Variants in CDS1 observed in about 807,000 individuals in gnomAD.
The protein encoded by CDS1 is phosphatidate cytidylyltransferase 1.
Under a neutral mutation model 62.1 loss-of-function variants are expected in CDS1, and 41 were observed. The observed-to-expected ratio is 0.66, with a 90% confidence interval of 0.51 to 0.86. The LOEUF (loss-of-function observed/expected upper bound fraction) is 0.86, where lower values mean the gene tolerates loss of function less well. Among genes scored for constraint, CDS1 ranks in the 40% least tolerant of loss-of-function variants. The pLI is 0.00. For synonymous variants in CDS1, 185 were observed against 192.6 expected (o/e 0.96, Z 0.32); for missense variants, 470 against 550.1 (o/e 0.85, Z 1.46).
At chr4:84,594,163 A>G (rs1328408464) in intron 1 of CDS1, among the ~76,000 whole-genome samples, 1 of 151,912 alleles carries the variant, frequency 6.6e-6, no homozygotes, top group Non-Finnish European at 1.5e-5. Flanking sequence ...TTGACATAAG[A>G]CAAGAGAAAA....
In CDS1 at chr4:84,610,387, G is replaced by A. The variant is rs575646183; in HGVS notation, c.342+862G>A. Among the ~76,000 whole-genome samples the A allele has an allele frequency of 4.2e-4, 64 of 152,272 alleles. No individual in the cohort carries two copies. In the South Asian group the frequency reaches 5.0e-3, roughly 12 times the overall value. On this transcript the variant is annotated intron_variant, in intron 3 of 12. Coordinates refer to ENST00000295887, the MANE Select transcript of CDS1 (RefSeq NM_001263.4). The stretch of plus-strand genomic sequence containing the variant: ...CACATGTAGAGGGTGTCTATATAGG[G>A]CACTGGAGAGGCAAGGAAAAACCAT...
chr4:84,613,097 T>G (rs1180325403), intron 3 of CDS1, among the ~76,000 whole-genome samples: 2 of 151,812 alleles, frequency 1.3e-5, no homozygotes, highest in African/African-American at 4.8e-5. Flanking sequence ...TATATATATA[T>G]ATATTATGTT....
At chr4:84,615,461 T>C (rs1409507873) in intron 3 of CDS1, among the ~76,000 whole-genome samples, 3 of 152,090 alleles carry the variant, frequency 2.0e-5, no homozygotes, top group Non-Finnish European at 2.9e-5. Context: ...CTCTCTCTCC[T>C]TCTTACCCCC....
chr4:84,583,466 G>T lies in CDS1; in HGVS notation c.65G>T (p.Arg22Leu). Residue 22 changes from arginine to leucine, a missense_variant, in exon 1 of 13, where the codon CGC becomes CTC. Coordinates refer to ENST00000295887, the MANE Select transcript of CDS1 (RefSeq NM_001263.4). ...AGGGAAGCGGTGTCGCCGCCACACC[G>T]CGAGGGAGAGGCGGCCGGCGGCGAC... ...GPREAVSPPH[R>L]EGEAAGGDHE... is the part of the protein sequence containing the mutation. 6.3e-7 allele frequency: 1 copy of T among 1,578,440 alleles called. No homozygotes were observed. Among genetic ancestry groups the T allele is most frequent in the Non-Finnish European group, 8.6e-7 (1 of 1,163,536 alleles).
chr4:84,609,040 G>A (rs1230525518), intron 2 of CDS1, among the ~76,000 whole-genome samples: 1 of 151,874 alleles, frequency 6.6e-6, no homozygotes, highest in Non-Finnish European at 1.5e-5. Flanking sequence ...TTAGCCGGGT[G>A]TGGTGGCGGG....
intron 3 of CDS1, among the ~76,000 whole-genome samples, chr4:84,614,586 A>C (rs1214867646): frequency 1.3e-5 from 2 of 152,188 alleles, no homozygotes; most frequent in African/African-American, 4.8e-5. Context: ...ACCCATAGGT[A>C]CTCAATATAG....
At chr4:84,594,314 G>T (rs1388301008) in intron 1 of CDS1, among the ~76,000 whole-genome samples, 3 of 152,166 alleles carry the variant, frequency 2.0e-5, no homozygotes, top group African/African-American at 7.2e-5. Context: ...CAAGTTCTGG[G>T]AGGGTAAGGG....
Position 84,635,574 on chromosome 4 carries a change from T to TCTGCCTGCCTGCCTGCCTGC in CDS1, c.810+258_810+277dup, listed in dbSNP as rs1214957051. 1.5e-3 allele frequency among the ~76,000 whole-genome samples: 150 copies of TCTGCCTGCCTGCCTGCCTGC among 102,030 alleles called. 5 individuals carry two copies. Among genetic ancestry groups the TCTGCCTGCCTGCCTGCCTGC allele is most frequent in the African/African-American group, 1.9e-3 (45 of 23,974 alleles). The allele number at this position is 102,030 out of a possible 152,430, so 66.9% of individuals were successfully genotyped here. A position where few individuals can be genotyped will look rare whatever the true frequency, so the allele number is the denominator to read the frequency against. On this transcript the variant is annotated intron_variant, in intron 8 of 12. Coordinates refer to ENST00000295887, the MANE Select transcript of CDS1 (RefSeq NM_001263.4). Reference sequence around the variant, plus strand: ...CTCAGGAAGGGCATGACTCCATCAGTCTGCCTGCCTGCCTGCCTGCCTGCC... The same window carrying TCTGCCTGCCTGCCTGCCTGC: ...CTCAGGAAGGGCATGACTCCATCAGTCTGCCTGCCTGCCTGCCTGCCTGCCTGCCTGCCTGCCTGCCTGCC...
At chr4:84,588,653 C>T (rs923207467) in intron 1 of CDS1, among the ~76,000 whole-genome samples, 2 of 151,970 alleles carry the variant, frequency 1.3e-5, no homozygotes, top group Non-Finnish European at 2.9e-5. Flanking sequence ...TCCTTGTATG[C>T]TGAGTCCATT....
intron 1 of CDS1, among the ~76,000 whole-genome samples, chr4:84,586,274 T>A (rs1722417396): frequency 6.6e-6 from 1 of 152,180 alleles, no homozygotes; most frequent in Admixed American, 6.5e-5. Flanking sequence ...TTACATTTAT[T>A]GTGCACTTTA....
At chr4:84,637,397 T>C (rs900166222) in intron 8 of CDS1, among the ~76,000 whole-genome samples, 7 of 152,120 alleles carry the variant, frequency 4.6e-5, no homozygotes, top group African/African-American at 1.7e-4. Context: ...AGGAAACTTA[T>C]GATCTTGGCG....
intron 2 of CDS1, among the ~76,000 whole-genome samples, chr4:84,605,343 C>T (rs1292576345): frequency 2.0e-5 from 3 of 152,016 alleles, no homozygotes; most frequent in Non-Finnish European, 2.9e-5. Flanking sequence ...AAAAATGCTA[C>T]ATGTAACTTA....
At chr4:84,616,647 C>T (rs146032614) in intron 3 of CDS1, among the ~76,000 whole-genome samples, 172 of 152,246 alleles carry the variant, frequency 1.1e-3, no homozygotes, top group African/African-American at 3.7e-3. Flanking sequence ...GTTCTCTAGA[C>T]GCTGAAAAGC....
intron 5 of CDS1, among the ~76,000 whole-genome samples, chr4:84,625,619 A>G (rs1325190460): frequency 6.6e-6 from 1 of 152,180 alleles, no homozygotes; most frequent in African/African-American, 2.4e-5. Flanking sequence ...TCATGGAGGC[A>G]TTGAAGATAG....
chr4:84,639,099 ATATT>A (rs1724303628), intron 9 of CDS1, 107 bp downstream of exon 9: 4 of 411,178 alleles, frequency 9.7e-6, no homozygotes, highest in Non-Finnish European at 1.7e-5. Flanking sequence ...TGCTAATAAT[ATATT>A]TATTGAAACC....
intron 1 of CDS1, among the ~76,000 whole-genome samples, chr4:84,586,562 T>C (rs1352880066): frequency 1.3e-5 from 2 of 152,244 alleles, no homozygotes; most frequent in East Asian, 1.9e-4. Context: ...ATGCGAGTGA[T>C]GGGGTGTGGC....
intron 1 of CDS1, among the ~76,000 whole-genome samples, chr4:84,603,213 A>G (rs1028616703): frequency 3.3e-5 from 5 of 152,182 alleles, no homozygotes; most frequent in African/African-American, 1.2e-4. Flanking sequence ...AGAATCCTCA[A>G]CATTCTGAAT....
intron 3 of CDS1, among the ~76,000 whole-genome samples, chr4:84,615,848 G>A (rs1240839767): frequency 1.3e-5 from 2 of 152,118 alleles, no homozygotes; most frequent in Non-Finnish European, 2.9e-5. Context: ...ATTAATTTCT[G>A]TGTAATCCTC....
chr4:84,610,851 A>G (rs1291290846), intron 3 of CDS1, among the ~76,000 whole-genome samples: 1 of 152,216 alleles, frequency 6.6e-6, no homozygotes. Flanking sequence ...AGGCCATACC[A>G]TCTAGGTTTT....
Sources: allele counts gnomAD v4.1 joint callset (sites outside exome capture counted in the v4.1 genomes callset), GRCh38; gene constraint gnomAD v4.1.1; transcripts MANE v1.5; gene names NCBI Gene and HGNC (gene_info 2026-07-23, HGNC 2026-07-21).